The following PTPRD variants were observed in gnomAD, a reference collection of about 807,000 sequenced individuals.
The protein encoded by PTPRD is protein tyrosine phosphatase receptor type D, also known as receptor-type tyrosine-protein phosphatase delta.
In PTPRD, 34 loss-of-function variants were observed where a neutral mutation model predicts 214.5. The observed-to-expected ratio is 0.16, with a 90% CI of 0.12 to 0.21. PTPRD has a LOEUF of 0.21. Ranked by LOEUF, PTPRD falls within the 10% of genes least tolerant of loss-of-function variation. The probability of loss-of-function intolerance (pLI) is 1.00; values close to 1 mark genes in which losing one functional copy is unlikely to be tolerated. For synonymous variants in PTPRD, 1,128 were observed against 845.7 expected (o/e 1.33, Z -5.79); for missense variants, 2,545 against 2,398.7 (o/e 1.06, Z -1.27).
intron 8 of PTPRD, among the ~76,000 whole-genome samples, chr9:9,497,075 T>A (rs1425096165): frequency 6.6e-6 from 1 of 152,090 alleles, no homozygotes; most frequent in Non-Finnish European, 1.5e-5. Context: ...TGCTTATTGT[T>A]GAGGGGTGTT....
intron 8 of PTPRD, among the ~76,000 whole-genome samples, chr9:9,544,805 G>A (rs957328655): frequency 6.5e-4 from 98 of 151,412 alleles, no homozygotes; most frequent in African/African-American, 2.3e-3. Flanking sequence ...TTTAGATTTG[G>A]TATTCTGCTT....
chr9:8,713,915 T>C (rs1340863776), intron 12 of PTPRD: 5 of 741,334 alleles, frequency 6.7e-6, no homozygotes, highest in Non-Finnish European at 1.1e-5. Flanking sequence ...AAAATCTTTA[T>C]CCACTGACGC....
intron 35 of PTPRD, among the ~76,000 whole-genome samples, chr9:8,423,494 TATGAAAAGGTGTTTTTA>T (rs1306205941): frequency 6.6e-6 from 1 of 152,140 alleles, no homozygotes; most frequent in Non-Finnish European, 1.5e-5. Context: ...ATTTTGCATA[TATGAAAAGGTGTTTTTA>T]GAATCTTAAA....
intron 2 of PTPRD, among the ~76,000 whole-genome samples, chr9:10,384,783 T>A (rs965118182): frequency 4.8e-5 from 7 of 146,782 alleles, no homozygotes; most frequent in Non-Finnish European, 7.6e-5. Context: ...AAAAAAAACC[T>A]CCTTCTCCAT....
chr9:10,518,347 C>T (rs1039430380), intron 2 of PTPRD, among the ~76,000 whole-genome samples: 6 of 151,852 alleles, frequency 4.0e-5, no homozygotes, highest in Admixed American at 6.6e-5. Context: ...ATTCACTTAT[C>T]GTATCTATTA....
At chr9:9,653,886 T>C (rs1266820379) in intron 7 of PTPRD, among the ~76,000 whole-genome samples, 1 of 152,216 alleles carries the variant, frequency 6.6e-6, no homozygotes, top group African/African-American at 2.4e-5. Context: ...TTGAAATCTA[T>C]TATTATTTTC....
intron 39 of PTPRD, among the ~76,000 whole-genome samples, chr9:8,373,793 C>A (rs1000444726): frequency 6.7e-5 from 10 of 149,360 alleles, no homozygotes; most frequent in Admixed American, 6.1e-4. Flanking sequence ...GGGTGAAATG[C>A]ATTTTAAAAA....
intron 14 of PTPRD, among the ~76,000 whole-genome samples, chr9:8,537,589 T>C (rs184049756): frequency 6.6e-6 from 1 of 152,164 alleles, no homozygotes; most frequent in African/African-American, 2.4e-5. Flanking sequence ...TCTCGAAAGA[T>C]TTCTCATAGA....
chr9:9,497,895 A>AT (rs1416768229), intron 8 of PTPRD, among the ~76,000 whole-genome samples: 2 of 152,168 alleles, frequency 1.3e-5, no homozygotes, highest in African/African-American at 2.4e-5. Context: ...GAATCTTCAC[A>AT]TATCAGGGCC....
chr9:8,499,012 T>C (rs1443621257), intron 25 of PTPRD, among the ~76,000 whole-genome samples: 1 of 151,806 alleles, frequency 6.6e-6, no homozygotes, highest in Non-Finnish European at 1.5e-5. Flanking sequence ...CATACTCAAC[T>C]ACTCATTTTT....
chr9:8,750,919 C>A (rs2093458498), intron 11 of PTPRD, among the ~76,000 whole-genome samples: 1 of 150,126 alleles, frequency 6.7e-6, no homozygotes, highest in Non-Finnish European at 1.5e-5. Flanking sequence ...TGCCAATGGT[C>A]TAAAAAAATG....
At chr9:8,760,864 G>C (rs1306233929) in intron 11 of PTPRD, among the ~76,000 whole-genome samples, 3 of 152,142 alleles carry the variant, frequency 2.0e-5, no homozygotes, top group Admixed American at 6.6e-5. Flanking sequence ...TTGTACTATG[G>C]TTCCTTGCTG....
intron 3 of PTPRD, among the ~76,000 whole-genome samples, chr9:10,036,828 C>T (rs1043402497): frequency 3.3e-5 from 5 of 151,906 alleles, no homozygotes; most frequent in East Asian, 3.9e-4. Context: ...GTGATCTGCC[C>T]GCCTCGGCCT....
chr9:8,658,963 T>C (rs779827431), intron 12 of PTPRD, among the ~76,000 whole-genome samples: 2 of 152,116 alleles, frequency 1.3e-5, no homozygotes, highest in African/African-American at 2.4e-5. Context: ...TTACATAGCA[T>C]CTCCTCTAAT....
intron 11 of PTPRD, among the ~76,000 whole-genome samples, chr9:8,897,727 T>C (rs758276764): frequency 6.6e-6 from 1 of 152,184 alleles, no homozygotes; most frequent in Non-Finnish European, 1.5e-5. Flanking sequence ...GTAAAGACGT[T>C]GGCAACCTGA....
chr9:9,291,648 C>G (rs1445544737), intron 9 of PTPRD, among the ~76,000 whole-genome samples: 1 of 151,160 alleles, frequency 6.6e-6, no homozygotes, highest in Admixed American at 6.6e-5. Context: ...TGGTTTTCAT[C>G]TGAACTATTT....
chr9:10,277,308 G>C (rs1279083630), intron 3 of PTPRD, among the ~76,000 whole-genome samples: 1 of 151,102 alleles, frequency 6.6e-6, no homozygotes, highest in Non-Finnish European at 1.5e-5. Flanking sequence ...ATACCATCTG[G>C]TGCCTTTATC....
At chr9:9,627,608 T>TA (rs2095463944) in intron 7 of PTPRD, among the ~76,000 whole-genome samples, 1 of 152,204 alleles carries the variant, frequency 6.6e-6, no homozygotes, top group African/African-American at 2.4e-5. Flanking sequence ...AAATAACACT[T>TA]AAATTGCTTT....
intron 4 of PTPRD, among the ~76,000 whole-genome samples, chr9:9,947,385 T>TATATATATAA (rs2092776081): frequency 2.5e-5 from 1 of 40,816 alleles, no homozygotes; most frequent in African/African-American, 1.1e-4. Flanking sequence ...TATATATATT[T>TATATATATAA]TATATACATA....
Sources: gnomAD v4.1 joint callset for allele counts (sites outside exome capture counted in the v4.1 genomes callset) on GRCh38, gnomAD v4.1.1 for gene constraint, MANE v1.5 for transcripts, NCBI Gene and HGNC (gene_info 2026-07-23, HGNC 2026-07-21) for gene names.